Variants in KIF6 observed in about 807,000 individuals in gnomAD.
The protein encoded by KIF6 is kinesin family member 6, also known as kinesin-like protein KIF6.
A neutral mutation model predicts 112.7 loss-of-function variants in KIF6; 106 were observed. That is an observed-to-expected ratio of 0.94 (90% CI 0.80 to 1.11). KIF6 has a LOEUF of 1.11. Ranked by LOEUF, KIF6 falls within the 50% of genes least tolerant of loss-of-function variation. The pLI is 0.00. For missense variants in KIF6, 929 were observed against 964.0 expected (o/e 0.96, Z 0.48); for synonymous variants, 339 against 339.9 (o/e 1.00, Z 0.03).
intron 13 of KIF6, among the ~76,000 whole-genome samples, chr6:39,539,666 C>T (rs1006427999): frequency 2.6e-5 from 4 of 152,110 alleles, no homozygotes; most frequent in African/African-American, 9.7e-5. Context: ...AAATAGTTTT[C>T]CTGCAGATAG....
rs138371464 is a variant in KIF6 at position 39,578,696 on chromosome 6, C to G, written c.1078-537G>C. ...ACTGGAACCCCCTATTGGTATCCCC[C>G]CTCCGTCCTTCCTGGGGTGATCACT... On this transcript the variant is annotated intron_variant, in intron 9 of 22. Transcript: ENST00000287152. Among the ~76,000 whole-genome samples, 132 of 151,990 alleles carry G rather than the reference C, an allele frequency of 8.7e-4. 6 individuals carry two copies. In the South Asian group the frequency reaches 0.025, roughly 29 times the overall value.
intron 13 of KIF6, among the ~76,000 whole-genome samples, chr6:39,499,029 GA>G (rs1418606840): frequency 6.6e-6 from 1 of 152,206 alleles, no homozygotes; most frequent in Non-Finnish European, 1.5e-5. Flanking sequence ...GTGTGATATG[GA>G]GATGCTGTGG....
At chr6:39,629,840 C>T (rs1004497745) in intron 5 of KIF6, among the ~76,000 whole-genome samples, 4 of 152,042 alleles carry the variant, frequency 2.6e-5, no homozygotes, top group Non-Finnish European at 5.9e-5. Flanking sequence ...TGGTCTATGA[C>T]TCATTTCAAG....
chr6:39,724,940 G>T (rs1016558187), intron 1 of KIF6, among the ~76,000 whole-genome samples: 7 of 152,218 alleles, frequency 4.6e-5, no homozygotes, highest in African/African-American at 1.4e-4. Context: ...CACTATACAG[G>T]CATACTGAAC....
At chr6:39,366,331 G>T (rs557482998) in intron 16 of KIF6, among the ~76,000 whole-genome samples, 1 of 152,292 alleles carries the variant, frequency 6.6e-6, no homozygotes, top group South Asian at 2.1e-4. Context: ...AAATAGCAGC[G>T]CCAGGCTTTG....
At chr6:39,612,487 T>C (rs1783269502) in intron 6 of KIF6, among the ~76,000 whole-genome samples, 1 of 152,294 alleles carries the variant, frequency 6.6e-6, no homozygotes, top group Middle Eastern at 3.4e-3. Flanking sequence ...TTTGGGCCCC[T>C]GACCAAGCTG....
At chr6:39,628,737 G>A (rs1453614144) in intron 5 of KIF6, among the ~76,000 whole-genome samples, 2 of 151,856 alleles carry the variant, frequency 1.3e-5, no homozygotes, top group African/African-American at 4.8e-5. Context: ...AATTCTGTGG[G>A]TTTTGACAAA....
intron 13 of KIF6, among the ~76,000 whole-genome samples, chr6:39,534,297 G>T (rs1335807447): frequency 6.6e-6 from 1 of 152,184 alleles, no homozygotes; most frequent in South Asian, 2.1e-4. Flanking sequence ...CAAAGGCAAA[G>T]AAGTTAATAA....
chr6:39,680,780 T>C lies in KIF6; in HGVS notation c.251+33912A>G, dbSNP rs551279875. Among the ~76,000 whole-genome samples the C allele has an allele frequency of 1.9e-4, 29 of 152,340 alleles. 1 individual carries two copies. Among genetic ancestry groups the C allele is most frequent in the South Asian group, 1.4e-3 (7 of 4,828 alleles). On this transcript the variant is annotated intron_variant, in intron 3 of 22. Transcript: ENST00000287152. ...AAGTAAGGCAATAAGCTAAGGTAGC[T>C]ACAGAAGTGGTGCTACCATTCCATA...
intron 20 of KIF6, 106 bp downstream of exon 20, chr6:39,346,370 A>G (rs1763804827): frequency 1.4e-6 from 1 of 710,722 alleles, no homozygotes; most frequent in Non-Finnish European, 2.6e-6. Flanking sequence ...CATGAATGGG[A>G]TTAGAGTCCT....
At chr6:39,510,890 A>T (rs1776745106) in intron 13 of KIF6, among the ~76,000 whole-genome samples, 1 of 150,266 alleles carries the variant, frequency 6.7e-6, no homozygotes, top group South Asian at 2.1e-4. Flanking sequence ...AAAAAAAAAA[A>T]AAAAAAAGCA....
At chr6:39,388,717 C>T (rs1767625600) in intron 15 of KIF6, among the ~76,000 whole-genome samples, 1 of 152,134 alleles carries the variant, frequency 6.6e-6, no homozygotes, top group Non-Finnish European at 1.5e-5. Flanking sequence ...ACTCAGCATG[C>T]AGCTTGCTGT....
At chr6:39,432,143 C>T (rs1401761546) in intron 13 of KIF6, among the ~76,000 whole-genome samples, 2 of 152,214 alleles carry the variant, frequency 1.3e-5, no homozygotes, top group African/African-American at 4.8e-5. Flanking sequence ...TGCCACTTCA[C>T]ATGGCAATCC....
intron 13 of KIF6, among the ~76,000 whole-genome samples, chr6:39,500,039 G>C (rs1351448753): frequency 7.9e-5 from 12 of 152,150 alleles, no homozygotes; most frequent in Non-Finnish European, 1.5e-5. Context: ...GTTTGAAGTG[G>C]AGCATGACAT....
At chr6:39,626,075 C>T (rs776874258) in intron 5 of KIF6, among the ~76,000 whole-genome samples, 4 of 152,088 alleles carry the variant, frequency 2.6e-5, no homozygotes, top group Non-Finnish European at 4.4e-5. Flanking sequence ...GCTGAGGGCC[C>T]AGCTGAGGTT....
chr6:39,545,770 T>G, intron 10 of KIF6, 82 bp from the exon 11 acceptor site: 1 of 824,346 alleles, frequency 1.2e-6, no homozygotes, highest in Non-Finnish European at 2.1e-6. Flanking sequence ...TGGTTAACAT[T>G]TGAAGTACAG....
chr6:39,500,568 C>A (rs770077253), intron 13 of KIF6, among the ~76,000 whole-genome samples: 68 of 152,174 alleles, frequency 4.5e-4, no homozygotes, highest in Non-Finnish European at 8.2e-4. Context: ...ACTAATGTTA[C>A]AATCTGAGGC....
rs189216995 is a variant in KIF6, at chr6:39,603,407, C to A, written c.640-7147G>T. On this transcript the variant is annotated intron_variant, in intron 6 of 22. Transcript: ENST00000287152. ...CCTCTCCCTGGCACTGATTCAGCTA[C>A]CACTCTCAGAAGCTATTTCATATGG... is the stretch of plus-strand genomic sequence containing the variant. Among the ~76,000 whole-genome samples, 4 of 152,126 alleles carry A rather than the reference C, an allele frequency of 2.6e-5. No homozygotes were observed. In the East Asian group the frequency reaches 7.7e-4, roughly 29 times the overall value.
At chr6:39,594,971 A>AT (rs994150126) in intron 7 of KIF6, among the ~76,000 whole-genome samples, 10 of 151,624 alleles carry the variant, frequency 6.6e-5, no homozygotes, top group South Asian at 2.1e-4. Context: ...TTAGAGATGA[A>AT]TTTTTTTTTC....
Sources: gnomAD v4.1 joint callset for allele counts (sites outside exome capture counted in the v4.1 genomes callset) on GRCh38, gnomAD v4.1.1 for gene constraint, MANE v1.5 for transcripts, NCBI Gene and HGNC (gene_info 2026-07-23, HGNC 2026-07-21) for gene names.